The following KCNJ5 variants were observed in gnomAD, a reference collection of about 807,000 sequenced individuals.
KCNJ5 encodes the protein potassium inwardly rectifying channel subfamily J member 5.
A neutral mutation model predicts 20.2 loss-of-function variants in KCNJ5; 12 were observed. That is an observed-to-expected ratio of 0.59 (90% CI 0.38 to 0.96). The LOEUF (loss-of-function observed/expected upper bound fraction) is 0.96, where lower values mean the gene tolerates loss of function less well. KCNJ5 is among the 40% of genes least tolerant of loss of function. The pLI, the probability that KCNJ5 is intolerant of heterozygous loss-of-function variation, is 0.00. For missense variants in KCNJ5, 449 were observed against 557.6 expected, an observed-to-expected ratio of 0.81 and a Z score of 1.96; for synonymous variants, 210 against 213.9, an observed-to-expected ratio of 0.98 and a Z score of 0.16.
chr11:128,893,701 G>A (rs34367370), intron 1 of KCNJ5, among the ~76,000 whole-genome samples: 3 of 4,320 alleles, frequency 6.9e-4, no homozygotes, highest in African/African-American at 6.1e-3. Context: ...CAAGGGTGAG[G>A]GGGGGGGTCA....
chr11:128,911,275 T>TG lies in KCNJ5; in HGVS notation c.4dup (p.Ala2?), dbSNP rs1198412846. On this transcript the variant is annotated frameshift_variant and start_lost, in exon 2 of 3. Transcript: ENST00000529694. LOFTEE classifies it high-confidence loss of function. The surrounding 1 kb of genome is among the most constrained non-coding windows in gnomAD (Gnocchi z 6.3). ...TTTTTAACTCAAAGCATCCCAGCTATGGCTGGCGATTCTAGGAATGCCATG... is the reference window on the plus strand; with the variant it reads ...TTTTTAACTCAAAGCATCCCAGCTATGGGCTGGCGATTCTAGGAATGCCATG... The TG allele has an allele frequency of 3.1e-6, 5 of 1,613,810 alleles. No homozygotes were observed. The highest frequency in any genetic ancestry group is 4.2e-6 in the Non-Finnish European group (5 of 1,179,822).
In KCNJ5 at chr11:128,916,607, A is replaced by G. The variant is rs920619621; in HGVS notation, c.1136A>G (p.Tyr379Cys). The change falls in exon 3 of 3, where the codon TAC becomes TGC. Residue 379 changes from tyrosine to cysteine, a missense_variant. Physicochemically the swap from Tyr to Cys is radical, Grantham distance 194. This residue lies in a region of KCNJ5 where 64 missense variants were observed against 51.3 expected (regional missense o/e 1.25). Transcript: ENST00000529694. The part of the protein sequence containing the change: ...EMKREGRLLQ[Y>C]LPSPPLLGGC... The stretch of plus-strand genomic sequence containing the variant: ...AAGAGGGAAGGCCGGCTCCTCCAGT[A>G]CCTCCCCAGCCCCCCACTGCTGGGG... 6.2e-7 allele frequency: 1 copy of G among 1,613,716 alleles called. No homozygotes were observed. Among genetic ancestry groups the G allele is most frequent in the African/African-American group, 1.3e-5 (1 of 74,908 alleles).
rs773602544 is a variant in KCNJ5, at chr11:128,903,344, C to T, written c.-10-7920C>T. 3.7e-6 allele frequency: 6 copies of T among 1,613,428 alleles called. No individual in the cohort carries two copies. The East Asian group carries it at 6.7e-5, about 18-fold the overall frequency. On this transcript the variant is annotated intron_variant, in intron 1 of 2. Coordinates refer to ENST00000529694, the MANE Select transcript of KCNJ5 (RefSeq NM_000890.5). ...GTAGAGTGTGTCTGTGTTGGAAGAA[C>T]GCGATCCGGCAGCTGCACTCACCTC...
intron 1 of KCNJ5, chr11:128,900,180 G>T (rs1056954526): frequency 2.0e-5 from 3 of 152,120 alleles, no homozygotes; most frequent in Admixed American, 2.0e-4. Context: ...CATCAAAATG[G>T]TCTTTTTGTC....
intron 1 of KCNJ5, among the ~76,000 whole-genome samples, chr11:128,894,226 C>G (rs552329414): frequency 6.6e-6 from 1 of 151,518 alleles, no homozygotes; most frequent in South Asian, 2.1e-4. Flanking sequence ...ATTTGGTCAC[C>G]TATCATGTGC....
At position 128,897,079 on chromosome 11, in the gene KCNJ5, A is replaced by T. The variant is rs570187018; in HGVS notation, c.-11+5358A>T. Reference sequence around the variant, plus strand: ...TTCATTTTGCATTTCCCTGATTACTAATACCGTTTACCACTTTTTTTTTTT... The same window carrying T: ...TTCATTTTGCATTTCCCTGATTACTTATACCGTTTACCACTTTTTTTTTTT... On this transcript the variant is annotated intron_variant, in intron 1 of 2. Coordinates refer to ENST00000529694, the MANE Select transcript of KCNJ5 (RefSeq NM_000890.5). Among the ~76,000 whole-genome samples the T allele has an allele frequency of 2.0e-5, 3 of 148,304 alleles. No homozygotes were observed. The South Asian group carries it at 6.4e-4, about 32-fold the overall frequency.
chr11:128,904,785 T>C (rs1421714680), intron 1 of KCNJ5, among the ~76,000 whole-genome samples: 1 of 152,184 alleles, frequency 6.6e-6, no homozygotes, highest in African/African-American at 2.4e-5. Context: ...AGTGAAGCCC[T>C]GTGTCAGCTT....
At chr11:128,899,185 T>C (rs1944225176) in intron 1 of KCNJ5, among the ~76,000 whole-genome samples, 1 of 152,200 alleles carries the variant, frequency 6.6e-6, no homozygotes, top group Non-Finnish European at 1.5e-5. Flanking sequence ...TTTGGGGCAG[T>C]TGACTCACCC....
At chr11:128,907,166 T>A (rs1444123925) in intron 1 of KCNJ5, among the ~76,000 whole-genome samples, 1 of 152,170 alleles carries the variant, frequency 6.6e-6, no homozygotes, top group East Asian at 1.9e-4. Flanking sequence ...ATCCCGTGTT[T>A]CAAAGCTCAG....
intron 1 of KCNJ5, among the ~76,000 whole-genome samples, chr11:128,892,271 G>T (rs758038347): frequency 3.9e-5 from 6 of 152,252 alleles, no homozygotes; most frequent in African/African-American, 1.4e-4. Flanking sequence ...AAATGGTTCA[G>T]AAAGGCCAGG....
chr11:128,906,654 G>A (rs778808387), intron 1 of KCNJ5, among the ~76,000 whole-genome samples: 4 of 152,242 alleles, frequency 2.6e-5, no homozygotes, highest in South Asian at 2.1e-4. Context: ...ATTCCTTGCC[G>A]TGTGGCCCCC....
At chr11:128,902,774 A>T in intron 1 of KCNJ5, 1 of 1,523,182 alleles carries the variant, frequency 6.6e-7, no homozygotes, top group Non-Finnish European at 8.9e-7. Flanking sequence ...AACTCTTAAC[A>T]GCACTCTCAG....
In KCNJ5 at chr11:128,911,120, C is replaced by T. The variant is rs1944489761; in HGVS notation, c.-10-144C>T. On this transcript the variant is annotated intron_variant, in intron 1 of 2. Coordinates refer to ENST00000529694, the MANE Select transcript of KCNJ5 (RefSeq NM_000890.5). The surrounding 1 kb of genome is among the most constrained non-coding windows in gnomAD (Gnocchi z 6.3). The stretch of plus-strand genomic sequence containing the variant: ...AAAGAACCCTATAAGAGAGTGAGGC[C>T]CCTGCCCTTGAGGATTTCACGCCCT... 5 of 693,206 alleles carry T rather than the reference C, an allele frequency of 7.2e-6. No individual in the cohort carries two copies. Among genetic ancestry groups the T allele is most frequent in the South Asian group, 1.6e-5 (1 of 61,668 alleles). 42.9% of individuals were successfully genotyped at this position (693,206 alleles called of 1,614,324 possible). A position where few individuals can be genotyped will look rare whatever the true frequency, so the allele number is the denominator to read the frequency against.
chr11:128,912,998 C>A (rs1033079522), intron 2 of KCNJ5, among the ~76,000 whole-genome samples: 1 of 152,188 alleles, frequency 6.6e-6, no homozygotes, highest in African/African-American at 2.4e-5. Context: ...CAGAAGAGCT[C>A]CCTGGTCAGA....
rs1482347900 is a variant in KCNJ5, at chr11:128,905,275, G to A, written c.-10-5989G>A. ...CTCCTGGCTCTCACCCTCCCACCCC[G>A]CATCCCCCAGCCCCGCCTCCTCCGC... On this transcript the variant is annotated intron_variant, in intron 1 of 2. Transcript: ENST00000529694. Among the ~76,000 whole-genome samples, 3 of 147,176 alleles carry A rather than the reference G, an allele frequency of 2.0e-5. No individual in the cohort carries two copies. In the East Asian group the frequency reaches 6.4e-4, roughly 32 times the overall value.
chr11:128,907,852 C>G (rs562825812), intron 1 of KCNJ5, among the ~76,000 whole-genome samples: 1 of 152,216 alleles, frequency 6.6e-6, no homozygotes, highest in Non-Finnish European at 1.5e-5. Context: ...TTATCTTCTT[C>G]ACTGCTTTAT....
intron 1 of KCNJ5, among the ~76,000 whole-genome samples, chr11:128,907,826 A>G (rs553199743): frequency 2.0e-5 from 3 of 152,248 alleles, no homozygotes; most frequent in Non-Finnish European, 4.4e-5. Context: ...CAACTATGGG[A>G]GGGCTGGCTC....
chr11:128,911,052 C>G lies in KCNJ5; in HGVS notation c.-10-212C>G. ...ATTCATTCAACAAACAGCTAGCAAG[C>G]ATCTATTTTGTGCTAGACTCTGTAC... On this transcript the variant is annotated intron_variant, in intron 1 of 2. Transcript: ENST00000529694. The surrounding 1 kb of genome is among the most constrained non-coding windows in gnomAD (Gnocchi z 6.3). 1.7e-6 allele frequency: 1 copy of G among 583,544 alleles called. No individual in the cohort carries two copies. The highest frequency in any genetic ancestry group is 2.8e-5 in the East Asian group (1 of 35,340). 36.1% of individuals were successfully genotyped at this position (583,544 alleles called of 1,614,324 possible). A position where few individuals can be genotyped will look rare whatever the true frequency, so the allele number is the denominator to read the frequency against.
At chr11:128,898,240 G>A (rs553342830) in intron 1 of KCNJ5, among the ~76,000 whole-genome samples, 1 of 152,344 alleles carries the variant, frequency 6.6e-6, no homozygotes, top group South Asian at 2.1e-4. Context: ...TATGAATTCA[G>A]AGAGAATCAA....
Sources: gnomAD v4.1 joint callset for allele counts (sites outside exome capture counted in the v4.1 genomes callset) on GRCh38, gnomAD v4.1.1 for gene constraint, gnomAD v4.1.1 regional missense constraint, Gnocchi (gnomAD v3.1) non-coding constraint, MANE v1.5 for transcripts, NCBI Gene and HGNC (gene_info 2026-07-23, HGNC 2026-07-21) for gene names.